The following TDRD7 variants were observed in gnomAD, a reference collection of about 807,000 sequenced individuals.
TDRD7 encodes the protein tudor domain containing 7, also known as tudor domain-containing protein 7.
In TDRD7, 47 loss-of-function variants were observed where a neutral mutation model predicts 109.8. That is an observed-to-expected ratio of 0.43 (90% CI 0.34 to 0.55). The LOEUF (loss-of-function observed/expected upper bound fraction) is 0.55, where lower values mean the gene tolerates loss of function less well. Ranked by LOEUF, TDRD7 falls within the 20% of genes least tolerant of loss-of-function variation. TDRD7 has a pLI of 0.03. For synonymous variants in TDRD7, 424 were observed against 457.3 expected (o/e 0.93, Z 0.93); for missense variants, 1,164 against 1,319.2 (o/e 0.88, Z 1.82).
At chr9:97,439,714 G>A (rs1351423297) in intron 5 of TDRD7, among the ~76,000 whole-genome samples, 2 of 152,150 alleles carry the variant, frequency 1.3e-5, no homozygotes, top group African/African-American at 4.8e-5. Flanking sequence ...TTATAAAAGA[G>A]TTTCAGATAC....
chr9:97,470,722 G>A (rs1465501816), intron 9 of TDRD7, 53 bp downstream of exon 9: 2 of 1,351,260 alleles, frequency 1.5e-6, no homozygotes, highest in South Asian at 2.4e-5. Context: ...TATTACCACT[G>A]TACATTTGGA....
Position 97,428,654 on chromosome 9 carries a change from G to GACC in TDRD7, c.191_192insCAC (p.Thr64dup). On this transcript the variant is annotated inframe_insertion, in exon 2 of 17. Transcript: ENST00000355295. ...GTGTGCCAGCAGTGGTCAGGATAGA[G>GACC]ACTAGTAGATCTGGAGAGGTAAGAA... is the stretch of plus-strand genomic sequence containing the variant. The GACC allele has an allele frequency of 6.2e-7, 1 of 1,613,808 alleles. No homozygotes were observed. Among genetic ancestry groups the GACC allele is most frequent in the Non-Finnish European group, 8.5e-7 (1 of 1,179,918 alleles).
At chr9:97,471,966 A>G (rs1295852396) in intron 9 of TDRD7, among the ~76,000 whole-genome samples, 1 of 152,168 alleles carries the variant, frequency 6.6e-6, no homozygotes, top group Non-Finnish European at 1.5e-5. Flanking sequence ...GGCTTCTCAT[A>G]TGTGTTAGTT....
At chr9:97,425,962 A>G (rs1342575927) in intron 1 of TDRD7, among the ~76,000 whole-genome samples, 1 of 152,206 alleles carries the variant, frequency 6.6e-6, no homozygotes, top group Non-Finnish European at 1.5e-5. Context: ...ACTGAATGCT[A>G]TTAACATTCA....
intron 1 of TDRD7, among the ~76,000 whole-genome samples, chr9:97,419,523 C>T (rs568926308): frequency 9.2e-5 from 14 of 152,128 alleles, no homozygotes; most frequent in Non-Finnish European, 1.8e-4. Flanking sequence ...ATCTGGCAAC[C>T]GTGAAGTATA....
intron 1 of TDRD7, among the ~76,000 whole-genome samples, chr9:97,417,191 A>C (rs756206348): frequency 6.6e-6 from 1 of 152,182 alleles, no homozygotes; most frequent in South Asian, 2.1e-4. Flanking sequence ...AAGGAAAAGC[A>C]TGGAGCCCAG....
intron 1 of TDRD7, among the ~76,000 whole-genome samples, chr9:97,413,284 T>C (rs1827753684): frequency 6.6e-6 from 1 of 152,264 alleles, no homozygotes; most frequent in Admixed American, 6.5e-5. Flanking sequence ...TGTTGCATAC[T>C]GCAAATAATG....
intron 6 of TDRD7, among the ~76,000 whole-genome samples, chr9:97,459,694 T>C (rs1022276467): frequency 3.9e-5 from 6 of 152,234 alleles, no homozygotes; most frequent in Admixed American, 2.6e-4. Flanking sequence ...GGAGCATCTT[T>C]TTCTAAATAA....
At chr9:97,495,571 T>A in intron 16 of TDRD7, 92 bp from the exon 17 acceptor site, 1 of 1,267,310 alleles carries the variant, frequency 7.9e-7, no homozygotes, top group Non-Finnish European at 1.2e-6. Context: ...TAAGTTACTT[T>A]GGAATTGACT....
At position 97,412,772 on chromosome 9, in the gene TDRD7, C is replaced by T. The variant is rs567552895; in HGVS notation, c.-7+534C>T. ...CGCTTAAGTAATGCAGGACACACAT[C>T]CCCATTTCTCTCAAACGAGGAGCAC... On this transcript the variant is annotated intron_variant, in intron 1 of 16. Transcript: ENST00000355295. This position sits in a 1 kb window ranked among gnomAD's most constrained non-coding sequence, Gnocchi z 4.3. Among the ~76,000 whole-genome samples the T allele has an allele frequency of 6.6e-6, 1 of 152,180 alleles. No individual in the cohort carries two copies. The highest frequency in any genetic ancestry group is 1.5e-5 in the Non-Finnish European group (1 of 68,036).
At chr9:97,477,358 G>C (rs1829041377) in intron 12 of TDRD7, among the ~76,000 whole-genome samples, 2 of 152,086 alleles carry the variant, frequency 1.3e-5, no homozygotes. Flanking sequence ...ATTGTCTTTA[G>C]TTGTCATGTC....
At chr9:97,429,301 C>T (rs1828060702) in intron 2 of TDRD7, among the ~76,000 whole-genome samples, 2 of 152,180 alleles carry the variant, frequency 1.3e-5, no homozygotes, top group Non-Finnish European at 2.9e-5. Context: ...CATTGCTCTT[C>T]CACTGCGACC....
rs1029492859 is a variant in TDRD7 at position 97,483,490 on chromosome 9, G to A, written c.2915+139G>A. On this transcript the variant is annotated intron_variant, in intron 15 of 16. Transcript: ENST00000355295. ...GTGAAACAAACACAGTAATTTTTCC[G>A]ATTTTCTAGTATTTAAAATGATGTC... The A allele has an allele frequency of 4.5e-5, 47 of 1,051,854 alleles. No homozygotes were observed. In the African/African-American group the frequency reaches 6.1e-4, roughly 14 times the overall value. The allele number at this position is 1,051,854 out of a possible 1,614,324, so 65.2% of individuals were successfully genotyped here.
At position 97,460,128 on chromosome 9, in the gene TDRD7, T is replaced by G. The variant is rs1391633853; in HGVS notation, c.856-50T>G. 4.7e-6 allele frequency: 7 copies of G among 1,493,998 alleles called. No individual in the cohort carries two copies. The African/African-American group carries it at 8.3e-5, about 18-fold the overall frequency. The allele number at this position is 1,493,998 out of a possible 1,614,324, so 92.5% of individuals were successfully genotyped here. On this transcript the variant is annotated intron_variant, in intron 6 of 16. Transcript: ENST00000355295. Reference sequence around the variant, plus strand: ...AGAATGCATTAATGTGTTTGTGGGTTGTTTATAGTCACTGAAATATCTGTC... The same window carrying G: ...AGAATGCATTAATGTGTTTGTGGGTGGTTTATAGTCACTGAAATATCTGTC...
At chr9:97,451,528 G>T (rs1828492592) in intron 6 of TDRD7, among the ~76,000 whole-genome samples, 1 of 152,214 alleles carries the variant, frequency 6.6e-6, no homozygotes, top group Non-Finnish European at 1.5e-5. Context: ...TCTGAAGTGA[G>T]TTATCCTCCT....
chr9:97,491,069 C>A (rs898194802), intron 16 of TDRD7, among the ~76,000 whole-genome samples: 8 of 152,012 alleles, frequency 5.3e-5, no homozygotes, highest in African/African-American at 1.9e-4. Flanking sequence ...GCATGCACCA[C>A]CACACCTGGC....
intron 12 of TDRD7, among the ~76,000 whole-genome samples, chr9:97,478,063 G>A (rs1024329371): frequency 6.6e-6 from 1 of 152,006 alleles, no homozygotes; most frequent in Non-Finnish European, 1.5e-5. Context: ...TTTGAGACCA[G>A]CCTGGCCAAC....
rs1828571349 is a variant in TDRD7, at chr9:97,454,703, G to A, written c.856-5475G>A. Among the ~76,000 whole-genome samples, 4 of 152,238 alleles carry A rather than the reference G, an allele frequency of 2.6e-5. No homozygotes were observed. In the South Asian group the frequency reaches 8.3e-4, roughly 32 times the overall value. On this transcript the variant is annotated intron_variant, in intron 6 of 16. Transcript: ENST00000355295. ...GCTAATGCAGTGTTAAGAGGGAAAT[G>A]TATAGTCTAAATGCCCACATCAGAA...
At chr9:97,455,944 A>G (rs1017590017) in intron 6 of TDRD7, among the ~76,000 whole-genome samples, 5 of 152,082 alleles carry the variant, frequency 3.3e-5, no homozygotes, top group African/African-American at 1.2e-4. Flanking sequence ...CAGCCCAAAA[A>G]CTTCTTGAAC....
Sources: gnomAD v4.1 joint callset for allele counts (sites outside exome capture counted in the v4.1 genomes callset) on GRCh38, gnomAD v4.1.1 for gene constraint, Gnocchi (gnomAD v3.1) non-coding constraint, MANE v1.5 for transcripts, NCBI Gene and HGNC (gene_info 2026-07-23, HGNC 2026-07-21) for gene names.